Variants in POT1 observed in about 807,000 individuals in gnomAD.
The protein encoded by POT1 is protection of telomeres protein 1.
Under a neutral mutation model 78.5 loss-of-function variants are expected in POT1, and 47 were observed. The observed-to-expected ratio is 0.60, with a 90% confidence interval of 0.47 to 0.76. The LOEUF (loss-of-function observed/expected upper bound fraction) is 0.76, where lower values mean the gene tolerates loss of function less well. Among genes scored for constraint, POT1 ranks in the 30% least tolerant of loss-of-function variants. The probability of loss-of-function intolerance (pLI) is 0.00; values close to 1 mark genes in which losing one functional copy is unlikely to be tolerated. For missense variants in POT1, 646 were observed against 749.9 expected (o/e 0.86, Z 1.62); for synonymous variants, 259 against 260.7 (o/e 0.99, Z 0.06).
In POT1 at chr7:124,863,620, C is replaced by T; in HGVS notation, c.276G>A (p.Glu92=). Residue 92 remains glutamate (E), a synonymous_variant, in exon 8 of 19, where the codon GAG becomes GAA. Coordinates refer to ENST00000357628, the MANE Select transcript of POT1 (RefSeq NM_015450.3). ...AGCCAGAGCTGGTGATACCCTGAGTCTCCTTTTTATATACTTGAATCTAAG... is the reference window on the plus strand; with the variant it reads ...AGCCAGAGCTGGTGATACCCTGAGTTTCCTTTTTATATACTTGAATCTAAG... ...HRLKIQVYKK[E]TQGITSSGFA... 3 of 1,611,872 alleles carry T rather than the reference C, an allele frequency of 1.9e-6. No individual in the cohort carries two copies. Among genetic ancestry groups the T allele is most frequent in the Non-Finnish European group, 2.5e-6 (3 of 1,179,214 alleles).
intron 5 of POT1, among the ~76,000 whole-genome samples, chr7:124,895,365 AGG>A (rs1320226179): frequency 6.6e-6 from 1 of 151,544 alleles, no homozygotes; most frequent in African/African-American, 2.4e-5. Flanking sequence ...TGACTGCTTA[AGG>A]GGCAGCCCAT....
chr7:124,835,716 G>A (rs1234675104), intron 14 of POT1, among the ~76,000 whole-genome samples: 4 of 151,798 alleles, frequency 2.6e-5, no homozygotes, highest in African/African-American at 7.3e-5. Flanking sequence ...ACCAAAAGAG[G>A]GAATATAAAT....
chr7:124,855,211 A>C (rs1362091628), intron 9 of POT1, among the ~76,000 whole-genome samples: 2 of 123,220 alleles, frequency 1.6e-5, no homozygotes, highest in Non-Finnish European at 3.3e-5. Context: ...AGACACAGAG[A>C]GGAGAGCAAA....
In POT1 at chr7:124,863,503, T is replaced by G. The variant is rs756852106; in HGVS notation, c.393A>C (p.Lys131Asn). 2.5e-6 allele frequency: 4 copies of G among 1,613,944 alleles called. No individual in the cohort carries two copies. In the South Asian group the frequency reaches 3.3e-5, roughly 13 times the overall value. Reference protein sequence around the residue: ...KYFNFTTEDHKMVEALRVWAS... With the variant: ...KYFNFTTEDHNMVEALRVWAS... ...CCCAAACACGTAAGGCTTCTACCATTTTGTGGTCCTCAGTAGTGAAGTTAA... is the reference window on the plus strand; with the variant it reads ...CCCAAACACGTAAGGCTTCTACCATGTTGTGGTCCTCAGTAGTGAAGTTAA... The change falls in exon 8 of 19, where the codon AAA (lysine) becomes AAC (asparagine). Residue 131 changes from lysine (K) to asparagine (N), a missense_variant. Physicochemically the swap from Lys to Asn is moderately conservative, Grantham distance 94 (BLOSUM62 0). Around this residue, in one of 2 missense-constraint regions of POT1, gnomAD observed 252 missense variants for 341.4 expected, o/e 0.74. Transcript: ENST00000357628.
At chr7:124,872,343 C>T (rs1795892620) in intron 6 of POT1, among the ~76,000 whole-genome samples, 1 of 152,118 alleles carries the variant, frequency 6.6e-6, no homozygotes, top group Admixed American at 6.6e-5. Context: ...AGTAGTACTC[C>T]CTATCTGAAG....
rs1177487007 is a variant in POT1, at chr7:124,887,302, A to T, written c.124+4964T>A. 3.3e-5 allele frequency among the ~76,000 whole-genome samples: 5 copies of T among 152,156 alleles called. No individual in the cohort carries two copies. The East Asian group carries it at 9.6e-4, about 29-fold the overall frequency. On this transcript the variant is annotated intron_variant, in intron 6 of 18. Coordinates refer to ENST00000357628, the MANE Select transcript of POT1 (RefSeq NM_015450.3). ...TCCCCTTTCCTCTACAACAACAGAT[A>T]TTAAAAGGATTTTCCACAAAACATT...
chr7:124,887,838 G>T (rs1334617478), intron 6 of POT1, among the ~76,000 whole-genome samples: 1 of 152,046 alleles, frequency 6.6e-6, no homozygotes. Context: ...TTAAACACAG[G>T]TGAAGTGTGT....
At chr7:124,901,998 C>G (rs1796633022) in intron 3 of POT1, among the ~76,000 whole-genome samples, 2 of 152,080 alleles carry the variant, frequency 1.3e-5, no homozygotes, top group African/African-American at 4.8e-5. Context: ...AAGAAATGAA[C>G]AAAGCCTCCA....
intron 11 of POT1, chr7:124,848,554 A>T: frequency 6.0e-6 from 1 of 166,614 alleles, no homozygotes; most frequent in East Asian, 1.9e-4. Flanking sequence ...AATCCCAGCT[A>T]CTTGGGAGGC....
At chr7:124,842,571 C>T (rs1419976609) in intron 13 of POT1, among the ~76,000 whole-genome samples, 1 of 151,888 alleles carries the variant, frequency 6.6e-6, no homozygotes. Flanking sequence ...TTCTCATTTG[C>T]CTTTATCAGA....
At chr7:124,829,730 A>ATCTATC (rs1554416575) in intron 15 of POT1, among the ~76,000 whole-genome samples, 3 of 151,296 alleles carry the variant, frequency 2.0e-5, no homozygotes, top group African/African-American at 7.3e-5. Flanking sequence ...CTATATCTAT[A>ATCTATC]TATATATATT....
chr7:124,865,682 TTTAAG>T (rs147514336), intron 7 of POT1, among the ~76,000 whole-genome samples: 1,605 of 151,628 alleles, frequency 0.011, 23 homozygotes, highest in African/African-American at 0.036. Context: ...TAATTCCTTT[TTTAAG>T]TTATTTTATT....
intron 14 of POT1, chr7:124,837,185 T>G (rs1229659748): frequency 6.8e-6 from 2 of 294,272 alleles, no homozygotes; most frequent in Non-Finnish European, 1.3e-5. Flanking sequence ...CTCTTCTGTT[T>G]ACAAAGGGGA....
Position 124,906,078 on chromosome 7 carries a change from C to T in POT1, c.-153-7704G>A, listed in dbSNP as rs1031368836. Among the ~76,000 whole-genome samples, 5 of 152,222 alleles carry T rather than the reference C, an allele frequency of 3.3e-5. No individual in the cohort carries two copies. In the East Asian group the frequency reaches 9.7e-4, roughly 30 times the overall value. On this transcript the variant is annotated intron_variant, in intron 3 of 18. Transcript: ENST00000357628. ...GTTCAACCATTGGGGAAGACACTGT[C>T]GCGATTCCTCAAAGATCTAGAACTA...
At chr7:124,839,549 G>A (rs757175874) in intron 14 of POT1, among the ~76,000 whole-genome samples, 5 of 152,144 alleles carry the variant, frequency 3.3e-5, no homozygotes, top group Non-Finnish European at 7.4e-5. Flanking sequence ...TTCCTAACCA[G>A]AGCAGTGCCA....
At chr7:124,839,688 A>T (rs1183032648) in intron 14 of POT1, among the ~76,000 whole-genome samples, 2 of 152,142 alleles carry the variant, frequency 1.3e-5, no homozygotes, top group African/African-American at 4.8e-5. Flanking sequence ...TTATTTTTTT[A>T]AATAAGCCTT....
chr7:124,880,306 A>G (rs1159894008), intron 6 of POT1, among the ~76,000 whole-genome samples: 1 of 152,094 alleles, frequency 6.6e-6, no homozygotes, highest in Non-Finnish European at 1.5e-5. Context: ...GTAATTCTGT[A>G]TTACGTCTCT....
At chr7:124,875,275 C>T (rs1021960772) in intron 6 of POT1, among the ~76,000 whole-genome samples, 1 of 152,058 alleles carries the variant, frequency 6.6e-6, no homozygotes. Flanking sequence ...TATAGATATT[C>T]ATTATCTGAG....
intron 7 of POT1, among the ~76,000 whole-genome samples, chr7:124,870,055 A>G (rs1482581658): frequency 6.6e-6 from 1 of 152,182 alleles, no homozygotes; most frequent in African/African-American, 2.4e-5. Flanking sequence ...AAACTCAAGC[A>G]TTAGAAGAAA....
Sources: gnomAD v4.1 joint callset for allele counts (sites outside exome capture counted in the v4.1 genomes callset) on GRCh38, gnomAD v4.1.1 for gene constraint, gnomAD v4.1.1 regional missense constraint, MANE v1.5 for transcripts, NCBI Gene and HGNC (gene_info 2026-07-23, HGNC 2026-07-21) for gene names.